Variants in SLC35F3 observed in about 807,000 individuals in gnomAD.
SLC35F3 encodes solute carrier family 35 member F3.
A neutral mutation model predicts 49.9 loss-of-function variants in SLC35F3; 25 were observed. That is an observed-to-expected ratio of 0.50 (90% CI 0.37 to 0.70). The LOEUF is 0.70. Among genes scored for constraint, SLC35F3 ranks in the 30% least tolerant of loss-of-function variants. SLC35F3 has a pLI of 0.00. For missense variants in SLC35F3, 525 were observed against 639.8 expected (o/e 0.82, Z 1.94); for synonymous variants, 275 against 265.4 (o/e 1.04, Z -0.35).
At chr1:234,198,517 C>G (rs192697207) in intron 2 of SLC35F3, among the ~76,000 whole-genome samples, 1 of 152,304 alleles carries the variant, frequency 6.6e-6, no homozygotes, top group East Asian at 1.9e-4. Context: ...TGGATGAGGA[C>G]TGTAATTTCT....
intron 3 of SLC35F3, among the ~76,000 whole-genome samples, chr1:234,268,204 G>C (rs1301334072): frequency 1.3e-5 from 2 of 152,198 alleles, no homozygotes; most frequent in Non-Finnish European, 2.9e-5. Context: ...TGCAATCCCG[G>C]CACCTCGGGA....
chr1:234,211,669 T>G (rs1445181946), intron 2 of SLC35F3, among the ~76,000 whole-genome samples: 2 of 152,272 alleles, frequency 1.3e-5, no homozygotes, highest in African/African-American at 2.4e-5. Flanking sequence ...ACCCAATGCC[T>G]GTACCCCCAT....
chr1:234,057,788 C>T (rs1355809774), intron 2 of SLC35F3, among the ~76,000 whole-genome samples: 4 of 152,298 alleles, frequency 2.6e-5, no homozygotes, highest in Middle Eastern at 6.8e-3. Context: ...TCACTGCAAT[C>T]TCCACCTCCC....
chr1:234,059,277 CTTCT>C (rs2102861742), intron 2 of SLC35F3, among the ~76,000 whole-genome samples: 1 of 151,432 alleles, frequency 6.6e-6, no homozygotes, highest in Admixed American at 6.6e-5. Context: ...TGATATGTGT[CTTCT>C]TTCTTAATAC....
At chr1:234,203,511 G>C (rs1666929393) in intron 2 of SLC35F3, among the ~76,000 whole-genome samples, 1 of 152,186 alleles carries the variant, frequency 6.6e-6, no homozygotes, top group African/African-American at 2.4e-5. Flanking sequence ...AGGAGTTCGA[G>C]ACCAGCCTGA....
chr1:233,986,417 G>A (rs985069971), intron 2 of SLC35F3, among the ~76,000 whole-genome samples: 4 of 152,036 alleles, frequency 2.6e-5, no homozygotes, highest in Non-Finnish European at 4.4e-5. Flanking sequence ...TGGTGGTTTA[G>A]CTTCCAAATG....
At chr1:233,938,248 C>T (rs187650885) in intron 2 of SLC35F3, among the ~76,000 whole-genome samples, 20 of 152,306 alleles carry the variant, frequency 1.3e-4, no homozygotes, top group African/African-American at 4.6e-4. Context: ...TAAAGCTCAT[C>T]CCTCAAAAGA....
chr1:234,271,950 C>T (rs1488156227), intron 3 of SLC35F3, among the ~76,000 whole-genome samples: 2 of 152,122 alleles, frequency 1.3e-5, no homozygotes, highest in Non-Finnish European at 2.9e-5. Context: ...CATGGCAAAA[C>T]CCCGTCTCTA....
At chr1:234,177,566 G>T (rs536856002) in intron 2 of SLC35F3, among the ~76,000 whole-genome samples, 1 of 152,164 alleles carries the variant, frequency 6.6e-6, no homozygotes, top group African/African-American at 2.4e-5. Context: ...ACATAAAGAC[G>T]GCTTTACTAC....
rs540427017 is a variant in SLC35F3, at chr1:234,268,352, G to A, written c.608+36611G>A. Reference sequence around the variant, plus strand: ...CGCCTGCAATCGCACGCACTCGGCAGGCTGTCAGGAGAATCAGGCAGGGAG... The same window carrying A: ...CGCCTGCAATCGCACGCACTCGGCAAGCTGTCAGGAGAATCAGGCAGGGAG... On this transcript the variant is annotated intron_variant, in intron 3 of 7. Transcript: ENST00000366618. Among the ~76,000 whole-genome samples the A allele has an allele frequency of 5.2e-5, 3 of 57,824 alleles. No individual in the cohort carries two copies. In the East Asian group the frequency reaches 0.068, roughly 1,314 times the overall value. The allele number at this position is 57,824 out of a possible 152,430, so 37.9% of individuals were successfully genotyped here.
intron 2 of SLC35F3, among the ~76,000 whole-genome samples, chr1:234,210,295 G>A (rs1268107008): frequency 2.6e-5 from 4 of 152,138 alleles, no homozygotes; most frequent in African/African-American, 9.7e-5. Context: ...CATGAAGATG[G>A]GCTAATATAG....
intron 2 of SLC35F3, among the ~76,000 whole-genome samples, chr1:234,228,047 GCTTGCACTTC>G (rs1667315150): frequency 6.6e-6 from 1 of 152,138 alleles, no homozygotes; most frequent in African/African-American, 2.4e-5. Flanking sequence ...GGATGTTGTG[GCTTGCACTTC>G]CTTAATAAAG....
intron 2 of SLC35F3, among the ~76,000 whole-genome samples, chr1:234,061,855 A>G (rs1227705275): frequency 6.6e-6 from 1 of 152,142 alleles, no homozygotes; most frequent in African/African-American, 2.4e-5. Context: ...TAGGTGCAAC[A>G]TTGTCATCAT....
Position 234,231,467 on chromosome 1 carries a change from G to T in SLC35F3, c.334G>T (p.Ala112Ser). The T allele has an allele frequency of 6.2e-7, 1 of 1,610,856 alleles. No homozygotes were observed. Among genetic ancestry groups the T allele is most frequent in the Non-Finnish European group, 8.5e-7 (1 of 1,178,368 alleles). Reference protein sequence around the residue: ...SPGPAEAQAPAGVEAGGRASR... With the variant: ...SPGPAEAQAPSGVEAGGRASR... Reference sequence around the variant, plus strand: ...GGGCCCGGCGGAGGCCCAGGCACCGGCCGGGGTGGAGGCCGGCGGGAGAGC... The same window carrying T: ...GGGCCCGGCGGAGGCCCAGGCACCGTCCGGGGTGGAGGCCGGCGGGAGAGC... Residue 112 changes from alanine (A) to serine (S), a missense_variant, in exon 3 of 8, where the codon GCC becomes TCC. Transcript: ENST00000366618. This position sits in a 1 kb window ranked among gnomAD's most constrained non-coding sequence, Gnocchi z 5.4.
intron 2 of SLC35F3, among the ~76,000 whole-genome samples, chr1:234,006,575 T>A (rs150587482): frequency 3.9e-4 from 60 of 152,366 alleles, no homozygotes; most frequent in Middle Eastern, 6.8e-3. Context: ...AAGTATATGG[T>A]GTGTGCCTCA....
Position 234,223,798 on chromosome 1 carries a change from A to G in SLC35F3, c.284-7619A>G, listed in dbSNP as rs74714928. ...AACAACATATCATAGCTTTTAAAAA[A>G]GGACATTTTTTTACTCACAGTACTG... is the stretch of plus-strand genomic sequence containing the variant. On this transcript the variant is annotated intron_variant, in intron 2 of 7. Transcript: ENST00000366618. Among the ~76,000 whole-genome samples, 52 of 152,306 alleles carry G rather than the reference A, an allele frequency of 3.4e-4. No homozygotes were observed. In the South Asian group the frequency reaches 7.1e-3, roughly 21 times the overall value.
At chr1:234,245,626 ATG>A (rs1667619839) in intron 3 of SLC35F3, among the ~76,000 whole-genome samples, 3 of 152,202 alleles carry the variant, frequency 2.0e-5, no homozygotes, top group African/African-American at 7.2e-5. Flanking sequence ...CCCCTGCTCC[ATG>A]ATGCTTAGAG....
intron 2 of SLC35F3, among the ~76,000 whole-genome samples, chr1:233,972,143 T>G (rs964227045): frequency 6.6e-6 from 1 of 152,228 alleles, no homozygotes; most frequent in Non-Finnish European, 1.5e-5. Flanking sequence ...AATGTGTGAT[T>G]GTCTGTTTGA....
At chr1:234,295,483 G>A (rs780171697) in intron 3 of SLC35F3, among the ~76,000 whole-genome samples, 2 of 152,106 alleles carry the variant, frequency 1.3e-5, no homozygotes, top group African/African-American at 2.4e-5. Context: ...TCAGTCTCTC[G>A]ATTGCAAGCA....
Sources: allele counts gnomAD v4.1 joint callset (sites outside exome capture counted in the v4.1 genomes callset), GRCh38; gene constraint gnomAD v4.1.1; non-coding constraint Gnocchi (gnomAD v3.1); transcripts MANE v1.5; gene names NCBI Gene and HGNC (gene_info 2026-07-23, HGNC 2026-07-21).